ZNF804B: variants seen among roughly 807,000 people sequenced by gnomAD.
ZNF804B encodes the protein zinc finger protein 804B.
A neutral mutation model predicts 101.4 loss-of-function variants in ZNF804B; 80 were observed. The observed-to-expected ratio is 0.79, with a 90% CI of 0.66 to 0.95. The LOEUF is 0.95. ZNF804B is among the 40% of genes least tolerant of loss of function. The pLI is 0.00. For missense variants in ZNF804B, 1,673 were observed against 1,561.9 expected (o/e 1.07, Z -1.20); for synonymous variants, 622 against 558.8 (o/e 1.11, Z -1.59).
At chr7:89,109,253 T>G (rs1790178942) in intron 1 of ZNF804B, among the ~76,000 whole-genome samples, 1 of 152,196 alleles carries the variant, frequency 6.6e-6, no homozygotes, top group Non-Finnish European at 1.5e-5. Context: ...TTACTGTCTA[T>G]TCGTTACACA....
chr7:88,787,281 A>T (rs574583547), intron 1 of ZNF804B, among the ~76,000 whole-genome samples: 1 of 152,228 alleles, frequency 6.6e-6, no homozygotes, highest in South Asian at 2.1e-4. Flanking sequence ...TTTTATCCTG[A>T]AGGTGAAATG....
intron 2 of ZNF804B, among the ~76,000 whole-genome samples, chr7:89,283,970 T>A (rs1790138329): frequency 6.6e-6 from 1 of 152,128 alleles, no homozygotes. Flanking sequence ...ATGCATAAAA[T>A]ACAAGGAGAT....
intron 1 of ZNF804B, among the ~76,000 whole-genome samples, chr7:88,941,980 A>C (rs1793061313): frequency 3.3e-5 from 5 of 151,970 alleles, no homozygotes; most frequent in African/African-American, 1.2e-4. Context: ...TTTATTTTAT[A>C]GACAATATCT....
At chr7:88,965,203 C>G (rs1381359676) in intron 1 of ZNF804B, among the ~76,000 whole-genome samples, 1 of 151,384 alleles carries the variant, frequency 6.6e-6, no homozygotes, top group East Asian at 2.0e-4. Context: ...TGACTTAGTA[C>G]CTTCTTTCCT....
At chr7:89,159,848 G>C (rs1317195473) in intron 1 of ZNF804B, among the ~76,000 whole-genome samples, 2 of 152,056 alleles carry the variant, frequency 1.3e-5, no homozygotes, top group East Asian at 1.9e-4. Context: ...GACCAATTTA[G>C]GGGATATAAA....
At chr7:89,232,568 G>C (rs1355267247) in intron 2 of ZNF804B, among the ~76,000 whole-genome samples, 1 of 152,026 alleles carries the variant, frequency 6.6e-6, no homozygotes, top group Non-Finnish European at 1.5e-5. Context: ...AAAATTTATT[G>C]AGATCATTCT....
intron 1 of ZNF804B, among the ~76,000 whole-genome samples, chr7:88,787,017 A>G (rs1790313032): frequency 6.6e-6 from 1 of 152,118 alleles, no homozygotes; most frequent in Non-Finnish European, 1.5e-5. Context: ...GACAGAAAAA[A>G]GTTCCTTGAG....
intron 1 of ZNF804B, among the ~76,000 whole-genome samples, chr7:89,100,205 A>G (rs1455430706): frequency 6.6e-6 from 1 of 152,196 alleles, no homozygotes; most frequent in Non-Finnish European, 1.5e-5. Flanking sequence ...AAGAACAGAC[A>G]TTGGGGAAAA....
chr7:88,885,863 ATTAG>A (rs1008019131), intron 1 of ZNF804B, among the ~76,000 whole-genome samples: 4 of 152,012 alleles, frequency 2.6e-5, no homozygotes, highest in Non-Finnish European at 4.4e-5. Flanking sequence ...ATAATGCATT[ATTAG>A]TTATATTAGC....
At chr7:88,905,467 C>T (rs977760030) in intron 1 of ZNF804B, among the ~76,000 whole-genome samples, 10 of 152,052 alleles carry the variant, frequency 6.6e-5, no homozygotes, top group Non-Finnish European at 1.3e-4. Flanking sequence ...AGGCAATTCT[C>T]CTGCCTCAAC....
intron 1 of ZNF804B, among the ~76,000 whole-genome samples, chr7:89,139,602 T>C (rs768977854): frequency 6.6e-6 from 1 of 152,010 alleles, no homozygotes; most frequent in African/African-American, 2.4e-5. Flanking sequence ...CAGGAATAGA[T>C]TACATCTCAA....
At chr7:88,910,395 A>G (rs1171694215) in intron 1 of ZNF804B, among the ~76,000 whole-genome samples, 1 of 151,960 alleles carries the variant, frequency 6.6e-6, no homozygotes, top group Non-Finnish European at 1.5e-5. Context: ...CCATATTTCT[A>G]ATAGTTCCCT....
intron 1 of ZNF804B, among the ~76,000 whole-genome samples, chr7:88,806,229 A>G (rs1790683084): frequency 6.6e-6 from 1 of 152,196 alleles, no homozygotes; most frequent in Non-Finnish European, 1.5e-5. Context: ...TCAAAATCAT[A>G]TAATTAGTTT....
intron 1 of ZNF804B, among the ~76,000 whole-genome samples, chr7:89,146,503 A>G (rs1790792626): frequency 6.6e-6 from 1 of 152,100 alleles, no homozygotes; most frequent in African/African-American, 2.4e-5. Flanking sequence ...AATAAAATAA[A>G]GTCATTCAAA....
At chr7:89,220,002 T>TACATATATGTGTGCATATATATGTATAC (rs1491540820) in intron 2 of ZNF804B, among the ~76,000 whole-genome samples, 36 of 27,584 alleles carry the variant, frequency 1.3e-3, no homozygotes, top group East Asian at 3.4e-3. Flanking sequence ...TATATGTATA[T>TACATATATGTGTGCATATATATGTATAC]GCACATATAT....
At chr7:89,155,358 A>G (rs1416964263) in intron 1 of ZNF804B, among the ~76,000 whole-genome samples, 1 of 152,146 alleles carries the variant, frequency 6.6e-6, no homozygotes, top group East Asian at 1.9e-4. Context: ...AATTTTATAA[A>G]TGATATGATT....
rs1791084060 is a variant in ZNF804B at position 89,336,226 on chromosome 7, T to C, written c.3244T>C (p.Tyr1082His). ...CCCTGGTGCTTTTCCGTCTAATAAA[T>C]ATACTGGTGTGACTGATTCAACAGA... ...EFPGAFPSNK[Y>H]TGVTDSTETQ... Residue 1082 changes from tyrosine (Y) to histidine (H), a missense_variant, in exon 4 of 4, where the codon TAT becomes CAT. Coordinates refer to ENST00000333190, the MANE Select transcript of ZNF804B (RefSeq NM_181646.5). 6.2e-7 allele frequency: 1 copy of C among 1,613,826 alleles called. No homozygotes were observed. The highest frequency in any genetic ancestry group is 8.5e-7 in the Non-Finnish European group (1 of 1,179,948).
chr7:88,877,918 C>G (rs1359768988), intron 1 of ZNF804B, among the ~76,000 whole-genome samples: 3 of 151,932 alleles, frequency 2.0e-5, no homozygotes, highest in African/African-American at 7.2e-5. Context: ...TTCTTCCTTA[C>G]AAAAATAGAG....
chr7:89,300,065 T>C (rs1790451013), intron 2 of ZNF804B, among the ~76,000 whole-genome samples: 1 of 151,608 alleles, frequency 6.6e-6, no homozygotes, highest in African/African-American at 2.4e-5. Flanking sequence ...TGCTTGATTA[T>C]TTCTTTGCCT....
Sources: gnomAD v4.1 joint callset for allele counts (sites outside exome capture counted in the v4.1 genomes callset) on GRCh38, gnomAD v4.1.1 for gene constraint, MANE v1.5 for transcripts, NCBI Gene and HGNC (gene_info 2026-07-23, HGNC 2026-07-21) for gene names.